Variants in STXBP5L observed in about 807,000 individuals in gnomAD.
STXBP5L encodes syntaxin binding protein 5L.
Under a neutral mutation model 144.5 loss-of-function variants are expected in STXBP5L, and 65 were observed. The ratio of observed to expected loss-of-function variants is 0.45; its 90% confidence interval spans 0.37 to 0.55. The LOEUF (loss-of-function observed/expected upper bound fraction) is 0.55, where lower values mean the gene tolerates loss of function less well. Among genes scored for constraint, STXBP5L ranks in the 20% least tolerant of loss-of-function variants. The probability of loss-of-function intolerance (pLI) is 0.00; values close to 1 mark genes in which losing one functional copy is unlikely to be tolerated. For synonymous variants in STXBP5L, 505 were observed against 469.6 expected (o/e 1.08, Z -0.97); for missense variants, 1,298 against 1,405.5 (o/e 0.92, Z 1.22).
chr3:121,312,010 A>G (rs1050365240), intron 19 of STXBP5L, among the ~76,000 whole-genome samples: 2 of 152,202 alleles, frequency 1.3e-5, no homozygotes, highest in Non-Finnish European at 2.9e-5. Context: ...GATCAATGGA[A>G]CAGAACAGAG....
intron 3 of STXBP5L, among the ~76,000 whole-genome samples, chr3:120,974,637 T>C (rs986507713): frequency 1.3e-5 from 2 of 152,236 alleles, no homozygotes; most frequent in Non-Finnish European, 1.5e-5. Context: ...TCCTGAATGT[T>C]AATGCGTAGG....
chr3:121,339,806 A>G (rs926165979), intron 20 of STXBP5L, among the ~76,000 whole-genome samples: 1 of 148,698 alleles, frequency 6.7e-6, no homozygotes, highest in South Asian at 2.1e-4. Flanking sequence ...AGTCCCTTAT[A>G]TAATAGCTGA....
At chr3:121,198,610 G>A (rs2048013893) in intron 9 of STXBP5L, among the ~76,000 whole-genome samples, 1 of 152,154 alleles carries the variant, frequency 6.6e-6, no homozygotes, top group Non-Finnish European at 1.5e-5. Context: ...GATTTTTTAT[G>A]TGTTTAGGTC....
intron 5 of STXBP5L, among the ~76,000 whole-genome samples, chr3:121,058,822 TG>T (rs199801251): frequency 0.099 from 15,037 of 152,094 alleles, 1,141 homozygotes; most frequent in Admixed American, 0.2. Flanking sequence ...TTGATGGGGT[TG>T]TTTTTTTCTT....
At chr3:121,364,448 C>T (rs1370569796) in intron 20 of STXBP5L, among the ~76,000 whole-genome samples, 4 of 149,904 alleles carry the variant, frequency 2.7e-5, no homozygotes, top group African/African-American at 9.8e-5. Flanking sequence ...CATGAGATTC[C>T]AGATGAAGTT....
chr3:121,405,990 G>T (rs2046985888), intron 22 of STXBP5L, among the ~76,000 whole-genome samples: 1 of 152,058 alleles, frequency 6.6e-6, no homozygotes, highest in Non-Finnish European at 1.5e-5. Context: ...GATATACTTA[G>T]AAAAGTCTTT....
intron 3 of STXBP5L, among the ~76,000 whole-genome samples, chr3:120,997,093 T>C (rs1251302634): frequency 6.6e-6 from 1 of 152,002 alleles, no homozygotes; most frequent in Non-Finnish European, 1.5e-5. Context: ...TAATGGCCTC[T>C]AGCTCCATCC....
chr3:120,959,089 C>G (rs1045263407), intron 3 of STXBP5L, among the ~76,000 whole-genome samples: 2 of 152,134 alleles, frequency 1.3e-5, no homozygotes, highest in African/African-American at 4.8e-5. Flanking sequence ...GCAAAAATCA[C>G]AAGCATTCTT....
At position 121,091,564 on chromosome 3, in the gene STXBP5L, G is replaced by A. The variant is rs550603152; in HGVS notation, c.471-23361G>A. Among the ~76,000 whole-genome samples, 387 of 152,220 alleles carry A rather than the reference G, an allele frequency of 2.5e-3. 4 individuals carry two copies. Among genetic ancestry groups the A allele is most frequent in the African/African-American group, 8.7e-3 (361 of 41,526 alleles). On this transcript the variant is annotated intron_variant, in intron 5 of 26. Coordinates refer to ENST00000471454, the MANE Select transcript of STXBP5L (RefSeq NM_001308330.2). ...GCATTTTTTCATGTGTTTTTTGGCTGCATAAATGTCTTCTTTTGAGAAGTG... is the reference window on the plus strand; with the variant it reads ...GCATTTTTTCATGTGTTTTTTGGCTACATAAATGTCTTCTTTTGAGAAGTG...
At position 121,263,159 on chromosome 3, in the gene STXBP5L, G is replaced by A. The variant is rs568815315; in HGVS notation, c.1958+3991G>A. On this transcript the variant is annotated intron_variant, in intron 18 of 26. Transcript: ENST00000471454. ...CTTTGTTGTTCTGCTGCCTCCACTA[G>A]TGATACCCAGGCAAACAGGTTCTGG... Among the ~76,000 whole-genome samples the A allele has an allele frequency of 1.9e-4, 29 of 152,336 alleles. No individual in the cohort carries two copies. The South Asian group carries it at 6.0e-3, about 32-fold the overall frequency.
At chr3:121,161,510 G>T (rs910885082) in intron 9 of STXBP5L, among the ~76,000 whole-genome samples, 3 of 151,536 alleles carry the variant, frequency 2.0e-5, no homozygotes, top group Non-Finnish European at 4.4e-5. Flanking sequence ...TCTAGGCTTG[G>T]TTTCTTCAAG....
intron 5 of STXBP5L, among the ~76,000 whole-genome samples, chr3:121,074,153 C>G (rs928625190): frequency 9.2e-5 from 14 of 152,030 alleles, no homozygotes; most frequent in African/African-American, 3.4e-4. Context: ...CTTGGGGGAG[C>G]CTGGTCCAAG....
At chr3:121,128,550 T>A (rs1449954275) in intron 7 of STXBP5L, among the ~76,000 whole-genome samples, 1 of 151,776 alleles carries the variant, frequency 6.6e-6, no homozygotes, top group Non-Finnish European at 1.5e-5. Flanking sequence ...ACAGTAGGAG[T>A]TGATGCAAGA....
intron 5 of STXBP5L, among the ~76,000 whole-genome samples, chr3:121,098,496 A>G (rs1016635219): frequency 2.6e-5 from 4 of 152,200 alleles, no homozygotes; most frequent in African/African-American, 4.8e-5. Context: ...TTCTGACTCT[A>G]TAAGATTAGT....
chr3:121,206,062 C>G, intron 10 of STXBP5L, 61 bp downstream of exon 10: 3 of 970,648 alleles, frequency 3.1e-6, no homozygotes, highest in Non-Finnish European at 4.4e-6. Context: ...TGCAGATGAC[C>G]TTTAATGTTA....
Position 121,255,118 on chromosome 3 carries a change from T to C in STXBP5L, c.1659+6T>C. 6.4e-7 allele frequency: 1 copy of C among 1,562,274 alleles called. No individual in the cohort carries two copies. The highest frequency in any genetic ancestry group is 8.7e-7 in the Non-Finnish European group (1 of 1,155,964). On this transcript the variant is annotated splice_donor_region_variant and intron_variant, in intron 16 of 26. Coordinates refer to ENST00000471454, the MANE Select transcript of STXBP5L (RefSeq NM_001308330.2). ...AAATTACAACAGAAATAGTGGTAAG[T>C]TATTTAAAATTTAACTTTCACTTTT...
At chr3:121,058,433 C>A (rs1362160556) in intron 5 of STXBP5L, among the ~76,000 whole-genome samples, 8 of 152,188 alleles carry the variant, frequency 5.3e-5, no homozygotes, top group Admixed American at 5.2e-4. Context: ...CTGCAAAAAG[C>A]ATGCATGTGC....
At chr3:121,337,820 C>A (rs1044375462) in intron 20 of STXBP5L, among the ~76,000 whole-genome samples, 3 of 152,042 alleles carry the variant, frequency 2.0e-5, no homozygotes, top group African/African-American at 2.4e-5. Flanking sequence ...CAAAACAAGT[C>A]TCAATAAATT....
Position 121,421,545 on chromosome 3 carries a change from T to C in STXBP5L, c.*2448T>C, listed in dbSNP as rs756097445. ...ATTCTACATCATACAAAGAGGTAGA[T>C]TGTGTGAATATGTAATATATGTTGT... On this transcript the variant is annotated 3_prime_UTR_variant, in exon 27 of 27. Transcript: ENST00000471454. The C allele has an allele frequency of 3.3e-5, 5 of 152,192 alleles. No individual in the cohort carries two copies. The highest frequency in any genetic ancestry group is 7.2e-5 in the African/African-American group (3 of 41,458). 9.4% of individuals were successfully genotyped at this position (152,192 alleles called of 1,614,324 possible).
Sources: allele counts gnomAD v4.1 joint callset (sites outside exome capture counted in the v4.1 genomes callset), GRCh38; gene constraint gnomAD v4.1.1; transcripts MANE v1.5; gene names NCBI Gene and HGNC (gene_info 2026-07-23, HGNC 2026-07-21).